CCT6A: variants seen among roughly 807,000 people sequenced by gnomAD.
CCT6A encodes T-complex protein 1 subunit zeta.
Under a neutral mutation model 58.6 loss-of-function variants are expected in CCT6A, and 6 were observed. The observed-to-expected ratio is 0.10, with a 90% confidence interval of 0.06 to 0.20. CCT6A has a LOEUF of 0.20. CCT6A is among the 10% of genes least tolerant of loss of function. The pLI is 1.00. For missense variants in CCT6A, 516 were observed against 648.8 expected (o/e 0.80, Z 2.22); for synonymous variants, 245 against 227.8 (o/e 1.08, Z -0.68).
intron 1 of CCT6A, 104 bp from the exon 2 acceptor site, chr7:56,052,318 C>A: frequency 1.0e-6 from 1 of 988,484 alleles, no homozygotes; most frequent in South Asian, 1.3e-5. Flanking sequence ...TAACTAGCCC[C>A]ACATCCCTGG....
At chr7:56,057,696 C>T (rs1206233850) in intron 5 of CCT6A, among the ~76,000 whole-genome samples, 1 of 152,020 alleles carries the variant, frequency 6.6e-6, no homozygotes, top group African/African-American at 2.4e-5. Flanking sequence ...CTGGCTAACA[C>T]GGTGAAACCC....
At chr7:56,054,749 G>T (rs1794268623) in intron 3 of CCT6A, among the ~76,000 whole-genome samples, 1 of 152,124 alleles carries the variant, frequency 6.6e-6, no homozygotes, top group African/African-American at 2.4e-5. Context: ...CTTTAGTGTA[G>T]ATTAATAATT....
intron 6 of CCT6A, 36 bp from the exon 7 acceptor site, chr7:56,058,326 T>C: frequency 2.0e-6 from 3 of 1,482,068 alleles, no homozygotes; most frequent in Non-Finnish European, 2.7e-6. Flanking sequence ...TTCTTAATGT[T>C]TCCCTGCTTT....
At chr7:56,053,812 G>T (rs1794244895) in intron 2 of CCT6A, among the ~76,000 whole-genome samples, 1 of 152,154 alleles carries the variant, frequency 6.6e-6, no homozygotes, top group South Asian at 2.1e-4. Context: ...AGCGTAGGTA[G>T]AGAGAAGCAC....
intron 3 of CCT6A, 116 bp from the exon 4 acceptor site, chr7:56,055,508 C>A (rs1467612653): frequency 3.6e-6 from 3 of 842,524 alleles, no homozygotes; most frequent in Non-Finnish European, 5.9e-6. Context: ...CATTATATTA[C>A]CTCGTGTTCA....
chr7:56,061,158 T>A (rs779207045), intron 11 of CCT6A, among the ~76,000 whole-genome samples: 1 of 152,216 alleles, frequency 6.6e-6, no homozygotes, highest in East Asian at 1.9e-4. Flanking sequence ...ACCTGTAGTT[T>A]AATATTTGCA....
Position 56,061,668 on chromosome 7 carries a change from CTTTTTTTTTTTTTTT to C in CCT6A, c.1348-67_1348-53del, listed in dbSNP as rs71015174. The C allele has an allele frequency of 2.0e-4, 61 of 312,694 alleles. 1 individual carries two copies. Among genetic ancestry groups the C allele is most frequent in the Non-Finnish European group, 3.0e-4 (53 of 178,218 alleles). The allele number at this position is 312,694 out of a possible 1,614,324, so 19.4% of individuals were successfully genotyped here. ...GGCCGAGATTTTCTTTTTCTTTTTT[CTTTTTTTTTTTTTTT>C]TTTTTTTTTTTACTATCAGTTATTA... On this transcript the variant is annotated intron_variant, in intron 11 of 13. Transcript: ENST00000275603.
rs1794351247 is a variant in CCT6A, at chr7:56,057,996, A to G, written c.618A>G (p.Leu206=). The part of the protein sequence containing the change: ...MKHKSETDTS[L]IRGLVLDHGA... ...AATTTTGTGTGTGTTTAAACAGCTT[A>G]ATCAGAGGGCTTGTTTTGGACCACG... Residue 206 remains leucine, a synonymous_variant, in exon 6 of 14, where the codon TTA becomes TTG. Transcript: ENST00000275603. 6.3e-7 allele frequency: 1 copy of G among 1,590,446 alleles called. No individual in the cohort carries two copies. The highest frequency in any genetic ancestry group is 1.1e-5 in the South Asian group (1 of 90,626).
Position 56,058,490 on chromosome 7 carries a change from C to T in CCT6A, c.854C>T (p.Ser285Leu), listed in dbSNP as rs752158156. 3.8e-6 allele frequency: 6 copies of T among 1,595,408 alleles called. No homozygotes were observed. Among genetic ancestry groups the T allele is most frequent in the Non-Finnish European group, 5.1e-6 (6 of 1,174,786 alleles). ...CTGAAAAGGAAAGTCTGTGGCGATT[C>T]AGATAAAGGATTTGTTGTTATTAAT... Reference protein sequence around the residue: ...IELKRKVCGDSDKGFVVINQK... With the variant: ...IELKRKVCGDLDKGFVVINQK... The change falls in exon 7 of 14, where the codon TCA becomes TTA. Residue 285 changes from serine to leucine, a missense_variant. Physicochemically the swap from Ser to Leu is moderately radical, Grantham distance 145 (BLOSUM62 -2). Coordinates refer to ENST00000275603, the MANE Select transcript of CCT6A (RefSeq NM_001762.4).
chr7:56,061,185 T>C (rs1378522243), intron 11 of CCT6A, among the ~76,000 whole-genome samples: 3 of 152,170 alleles, frequency 2.0e-5, no homozygotes, highest in Admixed American at 2.0e-4. Flanking sequence ...GGGGTTATAC[T>C]TGAGTACAAA....
In CCT6A at chr7:56,055,468, G is replaced by A. The variant is rs1794285800; in HGVS notation, c.337-156G>A. 9.8e-6 allele frequency: 7 copies of A among 712,442 alleles called. No individual in the cohort carries two copies. The East Asian group carries it at 1.7e-4, about 18-fold the overall frequency. 44.1% of individuals were successfully genotyped at this position (712,442 alleles called of 1,614,324 possible). A position where few individuals can be genotyped will look rare whatever the true frequency, so the allele number is the denominator to read the frequency against. ...CTGCTCTGCATTGAAAGGAATATTT[G>A]TCCTTTTAAATGTATTCAGAAAGCC... On this transcript the variant is annotated intron_variant, in intron 3 of 13. Coordinates refer to ENST00000275603, the MANE Select transcript of CCT6A (RefSeq NM_001762.4).
chr7:56,059,959 C>T (rs952708890), intron 9 of CCT6A: 12 of 424,768 alleles, frequency 2.8e-5, no homozygotes, highest in Non-Finnish European at 4.2e-5. Context: ...CCCTCAGCCT[C>T]CCAAAGTGCT....
intron 10 of CCT6A, 82 bp from the exon 11 acceptor site, chr7:56,060,725 A>T (rs1794415277): frequency 1.2e-5 from 18 of 1,482,004 alleles, no homozygotes; most frequent in Non-Finnish European, 1.6e-5. Context: ...GTAAGAAATT[A>T]ATGGCTTTCA....
chr7:56,058,534 A>T lies in CCT6A; in HGVS notation c.885+13A>T, dbSNP rs1794363053. On this transcript the variant is annotated intron_variant, in intron 7 of 13. Coordinates refer to ENST00000275603, the MANE Select transcript of CCT6A (RefSeq NM_001762.4). ...TATTAATCAAAAGGTGAGAATGAAA[A>T]CTCAATGTATAAACTAAATAGTACG... is the stretch of plus-strand genomic sequence containing the variant. 1.3e-6 allele frequency: 2 copies of T among 1,586,112 alleles called. No individual in the cohort carries two copies. Among genetic ancestry groups the T allele is most frequent in the East Asian group, 4.5e-5 (2 of 44,666 alleles).
chr7:56,059,414 G>A, intron 8 of CCT6A, 130 bp from the exon 9 acceptor site: 1 of 635,098 alleles, frequency 1.6e-6, no homozygotes, highest in Non-Finnish European at 2.8e-6. Flanking sequence ...CAAATGGAAA[G>A]GCTTAAAGTA....
At position 56,051,933 on chromosome 7, in the gene CCT6A, G is replaced by A. The variant is rs774606575; in HGVS notation, c.85G>A (p.Gly29Ser). 1 of 1,549,632 alleles carries A rather than the reference G, an allele frequency of 6.5e-7. No individual in the cohort carries two copies. The highest frequency in any genetic ancestry group is 1.2e-5 in the South Asian group (1 of 84,116). Reference sequence around the variant, plus strand: ...GGCGGTCAACATCAGCGCAGCGCGGGGTCTGCAGGACGTGCTAAGGACCAA... The same window carrying A: ...GGCGGTCAACATCAGCGCAGCGCGGAGTCTGCAGGACGTGCTAAGGACCAA... Reference protein sequence around the residue: ...ALAVNISAARGLQDVLRTNLG... With the variant: ...ALAVNISAARSLQDVLRTNLG... Residue 29 changes from glycine to serine, a missense_variant, in exon 1 of 14, where the codon GGT becomes AGT. Around this residue, in one of 3 missense-constraint regions of CCT6A, gnomAD observed 116 missense variants for 184.5 expected, o/e 0.63. Transcript: ENST00000275603.
At position 56,056,346 on chromosome 7, in the gene CCT6A, A is replaced by G; in HGVS notation, c.546A>G (p.Gln182=). Residue 182 remains glutamine, a synonymous_variant, in exon 5 of 14, where the codon CAA becomes CAG. Transcript: ENST00000275603. ...ACTCCATTTTGGCCATTAAAAAGCA[A>G]GATGAACCTATTGATCTCTTCATGA... is the stretch of plus-strand genomic sequence containing the variant. ...VVDSILAIKK[Q]DEPIDLFMIE... 3 of 1,601,012 alleles carry G rather than the reference A, an allele frequency of 1.9e-6. No individual in the cohort carries two copies. The highest frequency in any genetic ancestry group is 1.1e-5 in the South Asian group (1 of 90,812).
chr7:56,058,578 T>C (rs745716519), intron 7 of CCT6A, 42 bp from the exon 8 acceptor site: 11 of 1,579,414 alleles, frequency 7.0e-6, no homozygotes, highest in Middle Eastern at 1.7e-4. Flanking sequence ...TTTTTACTTT[T>C]AAGGTGAAAG....
chr7:56,052,359 T>TA, intron 1 of CCT6A, 63 bp from the exon 2 acceptor site: 2 of 1,469,160 alleles, frequency 1.4e-6, no homozygotes, highest in Non-Finnish European at 1.9e-6. Flanking sequence ...GCCCGTTTTC[T>TA]AATGGGACTT....
Sources: gnomAD v4.1 joint callset for allele counts (sites outside exome capture counted in the v4.1 genomes callset) on GRCh38, gnomAD v4.1.1 for gene constraint, gnomAD v4.1.1 regional missense constraint, MANE v1.5 for transcripts, NCBI Gene and HGNC (gene_info 2026-07-23, HGNC 2026-07-21) for gene names.